Variants in TUBB2B observed in about 807,000 individuals in gnomAD.
TUBB2B encodes tubulin beta 2B class IIb.
Under a neutral mutation model 35.0 loss-of-function variants are expected in TUBB2B, and 5 were observed. That is an observed-to-expected ratio of 0.14 (90% CI 0.07 to 0.30). The LOEUF (loss-of-function observed/expected upper bound fraction) is 0.30. Among genes scored for constraint, TUBB2B ranks in the 10% least tolerant of loss-of-function variants. The probability of loss-of-function intolerance (pLI) is 1.00; values close to 1 mark genes in which losing one functional copy is unlikely to be tolerated. For synonymous variants in TUBB2B, 166 were observed against 250.5 expected, an observed-to-expected ratio of 0.66 and a Z score of 3.18; for missense variants, 63 against 601.8, an observed-to-expected ratio of 0.10 and a Z score of 9.37.
chr6:3,224,617 A>G lies in TUBB2B; in HGVS notation c.*134T>C. 7.5e-7 allele frequency: 1 copy of G among 1,330,154 alleles called. No individual in the cohort carries two copies. Among genetic ancestry groups the G allele is most frequent in the Non-Finnish European group, 1.0e-6 (1 of 979,552 alleles). 82.4% of individuals were successfully genotyped at this position (1,330,154 alleles called of 1,614,324 possible). On this transcript the variant is annotated 3_prime_UTR_variant, in exon 4 of 4. Coordinates refer to ENST00000259818, the MANE Select transcript of TUBB2B (RefSeq NM_178012.5). ...AAAAAAAAGTGACAGGCAACAGTGA[A>G]GAGCACCAGAGACCCAGCGCACACC...
chr6:3,227,419 G>A lies in TUBB2B; in HGVS notation c.57+68C>T. 6.3e-7 allele frequency: 1 copy of A among 1,589,274 alleles called. No homozygotes were observed. The highest frequency in any genetic ancestry group is 1.1e-5 in the South Asian group (1 of 90,200). On this transcript the variant is annotated intron_variant, in intron 1 of 3. Transcript: ENST00000259818. This position sits in a 1 kb window ranked among gnomAD's most constrained non-coding sequence, Gnocchi z 7.8. Reference sequence around the variant, plus strand: ...CCAGGCCTTCCCAGGACCGCGCCTGGGGACCCCGAGGGGCTCTCGGCCCAG... The same window carrying A: ...CCAGGCCTTCCCAGGACCGCGCCTGAGGACCCCGAGGGGCTCTCGGCCCAG...
In TUBB2B at chr6:3,227,293, G is replaced by C. The variant is rs78466513; in HGVS notation, c.57+194C>G. Reference sequence around the variant, plus strand: ...CGGGGACTCCAAATGAGTTACAGCAGAAAGAAAGAGAGGTGCCCCCTCCGT... The same window carrying C: ...CGGGGACTCCAAATGAGTTACAGCACAAAGAAAGAGAGGTGCCCCCTCCGT... On this transcript the variant is annotated intron_variant, in intron 1 of 3. Transcript: ENST00000259818. This position sits in a 1 kb window ranked among gnomAD's most constrained non-coding sequence, Gnocchi z 7.8. Among the ~76,000 whole-genome samples the C allele has an allele frequency of 0.017, 2,623 of 152,244 alleles. 77 individuals are homozygous for C. The highest frequency in any genetic ancestry group is 0.06 in the African/African-American group (2,477 of 41,544).
chr6:3,224,762 C>T lies in TUBB2B; in HGVS notation c.1327G>A (p.Asp443Asn). ...QGEFEEEEGE[D>N]EA ...TCTCGCGGGGGCATCTACGCCTCGT[C>T]CTCGCCCTCCTCCTCCTCGAACTCC... Residue 443 changes from aspartate to asparagine, a missense_variant, in exon 4 of 4, where the codon GAC (aspartate) becomes AAC (asparagine). Around this residue, in one of 4 missense-constraint regions of TUBB2B, gnomAD observed 14 missense variants for 16.2 expected, o/e 0.86. Coordinates refer to ENST00000259818, the MANE Select transcript of TUBB2B (RefSeq NM_178012.5). 1 of 1,614,020 alleles carries T rather than the reference C, an allele frequency of 6.2e-7. No homozygotes were observed. Among genetic ancestry groups the T allele is most frequent in the Non-Finnish European group, 8.5e-7 (1 of 1,180,012 alleles).
chr6:3,226,876 C>T lies in TUBB2B; in HGVS notation c.58-207G>A, dbSNP rs1056948680. Among the ~76,000 whole-genome samples the T allele has an allele frequency of 6.6e-6, 1 of 152,126 alleles. No homozygotes were observed. Among genetic ancestry groups the T allele is most frequent in the Non-Finnish European group, 1.5e-5 (1 of 68,030 alleles). ...GGGCGTTTCCCAGGCAAACAGCTGCCGCTCGCGGGGGGAGGTAGGGGTCGA... is the reference window on the plus strand; with the variant it reads ...GGGCGTTTCCCAGGCAAACAGCTGCTGCTCGCGGGGGGAGGTAGGGGTCGA... On this transcript the variant is annotated intron_variant, in intron 1 of 3. Transcript: ENST00000259818. This position sits in a 1 kb window ranked among gnomAD's most constrained non-coding sequence, Gnocchi z 5.5.
At position 3,226,464 on chromosome 6, in the gene TUBB2B, C is replaced by T. The variant is rs935616144; in HGVS notation, c.166+97G>A. 5.0e-6 allele frequency: 6 copies of T among 1,196,776 alleles called. No individual in the cohort carries two copies. Among genetic ancestry groups the T allele is most frequent in the Non-Finnish European group, 6.2e-6 (5 of 801,634 alleles). The allele number at this position is 1,196,776 out of a possible 1,614,324, so 74.1% of individuals were successfully genotyped here. On this transcript the variant is annotated intron_variant, in intron 2 of 3. Coordinates refer to ENST00000259818, the MANE Select transcript of TUBB2B (RefSeq NM_178012.5). This position sits in a 1 kb window ranked among gnomAD's most constrained non-coding sequence, Gnocchi z 5.5. ...AGCGGGGATCCTAAACTGAATAGTC[C>T]ACCCTCTCCCAGGGCCACACCCCTG...
rs1757283731 is a variant in TUBB2B at position 3,226,030 on chromosome 6, C to G, written c.277+129G>C. The G allele has an allele frequency of 7.6e-7, 1 of 1,321,140 alleles. No individual in the cohort carries two copies. 81.8% of individuals were successfully genotyped at this position (1,321,140 alleles called of 1,614,324 possible). A position where few individuals can be genotyped will look rare whatever the true frequency, so the allele number is the denominator to read the frequency against. On this transcript the variant is annotated intron_variant, in intron 3 of 3. Transcript: ENST00000259818. This position sits in a 1 kb window ranked among gnomAD's most constrained non-coding sequence, Gnocchi z 5.5. ...CAGCTGAAAGGCAAACAATTTTACA[C>G]TATATTAAAGCTAAGTTGGCACACC...
At position 3,224,477 on chromosome 6, in the gene TUBB2B, A is replaced by G. The variant is rs1757246599; in HGVS notation, c.*274T>C. The G allele has an allele frequency of 1.9e-5, 11 of 576,618 alleles. No homozygotes were observed. The highest frequency in any genetic ancestry group is 4.5e-4 in the Middle Eastern group (1 of 2,240). 35.7% of individuals were successfully genotyped at this position (576,618 alleles called of 1,614,324 possible). The stretch of plus-strand genomic sequence containing the variant: ...AAATCGTTAATAAAGAGAAAAAGGA[A>G]GAGAAAGAGAGGACACCATTCCGAC... On this transcript the variant is annotated 3_prime_UTR_variant, in exon 4 of 4. Coordinates refer to ENST00000259818, the MANE Select transcript of TUBB2B (RefSeq NM_178012.5).
At position 3,226,495 on chromosome 6, in the gene TUBB2B, C is replaced by T; in HGVS notation, c.166+66G>A. 1 of 1,447,988 alleles carries T rather than the reference C, an allele frequency of 6.9e-7. No homozygotes were observed. Among genetic ancestry groups the T allele is most frequent in the Non-Finnish European group, 9.7e-7 (1 of 1,028,814 alleles). The allele number at this position is 1,447,988 out of a possible 1,614,324, so 89.7% of individuals were successfully genotyped here. On this transcript the variant is annotated intron_variant, in intron 2 of 3. Coordinates refer to ENST00000259818, the MANE Select transcript of TUBB2B (RefSeq NM_178012.5). This position sits in a 1 kb window ranked among gnomAD's most constrained non-coding sequence, Gnocchi z 5.5. Reference sequence around the variant, plus strand: ...CTCCCAGGGCCACACCCCTGGGGTCCCACGCAAGGGAAAGGGGAGAAGGTG... The same window carrying T: ...CTCCCAGGGCCACACCCCTGGGGTCTCACGCAAGGGAAAGGGGAGAAGGTG...
intron 3 of TUBB2B, 122 bp from the exon 4 acceptor site, chr6:3,225,933 A>C: frequency 1.3e-6 from 2 of 1,506,874 alleles, no homozygotes; most frequent in Non-Finnish European, 1.8e-6. Flanking sequence ...TATCACCAAA[A>C]TGGCCAAACG....
rs1757290358 is a variant in TUBB2B at position 3,226,584 on chromosome 6, T to C, written c.143A>G (p.Asn48Ser). ...ACCAGTGGCTTCATTGTAGTAAACA[T>C]TGATTCTCTCCAGCTGCAAATCACT... ...GDSDLQLERINVYYNEATGNK... is the reference protein window; with the variant it reads ...GDSDLQLERISVYYNEATGNK... Residue 48 changes from asparagine to serine, a missense_variant, in exon 2 of 4, where the codon AAT (asparagine) becomes AGT (serine). Around this residue, in one of 4 missense-constraint regions of TUBB2B, gnomAD observed 25 missense variants for 120.4 expected, o/e 0.21. Transcript: ENST00000259818. The surrounding 1 kb of genome is among the most constrained non-coding windows in gnomAD (Gnocchi z 5.5). 1 of 1,613,958 alleles carries C rather than the reference T, an allele frequency of 6.2e-7. No homozygotes were observed. Among genetic ancestry groups the C allele is most frequent in the African/African-American group, 1.3e-5 (1 of 74,896 alleles).
At position 3,225,732 on chromosome 6, in the gene TUBB2B, C is replaced by G. The variant is rs891802477; in HGVS notation, c.357G>C (p.Val119=). 6.2e-7 allele frequency: 1 copy of G among 1,612,598 alleles called. No individual in the cohort carries two copies. Among genetic ancestry groups the G allele is most frequent in the African/African-American group, 1.3e-5 (1 of 74,826 alleles). Residue 119 remains valine, a synonymous_variant, in exon 4 of 4, where the codon GTG becomes GTC. Transcript: ENST00000259818. ...GAELVDSVLD[V]VRKESESCDC... ...CACAGCTCTCTGACTCCTTCCTCAC[C>G]ACATCCAGGACCGAGTCGACCAGCT...
In TUBB2B at chr6:3,226,730, A is replaced by G. The variant is rs374700632; in HGVS notation, c.58-61T>C. 7 of 1,388,140 alleles carry G rather than the reference A, an allele frequency of 5.0e-6. No homozygotes were observed. Among genetic ancestry groups the G allele is most frequent in the South Asian group, 1.2e-5 (1 of 86,584 alleles). 86.0% of individuals were successfully genotyped at this position (1,388,140 alleles called of 1,614,324 possible). A position where few individuals can be genotyped will look rare whatever the true frequency, so the allele number is the denominator to read the frequency against. ...GCCCCCAGAAACGCCAAGGCTCACA[A>G]TGAAATGTCCCCGACTCAGTTCCGA... is the stretch of plus-strand genomic sequence containing the variant. On this transcript the variant is annotated intron_variant, in intron 1 of 3. Transcript: ENST00000259818. The surrounding 1 kb of genome is among the most constrained non-coding windows in gnomAD (Gnocchi z 5.5).
Position 3,226,737 on chromosome 6 carries a change from G to A in TUBB2B, c.58-68C>T. ...GAAACGCCAAGGCTCACAATGAAAT[G>A]TCCCCGACTCAGTTCCGACAACCCA... On this transcript the variant is annotated intron_variant, in intron 1 of 3. Coordinates refer to ENST00000259818, the MANE Select transcript of TUBB2B (RefSeq NM_178012.5). This position sits in a 1 kb window ranked among gnomAD's most constrained non-coding sequence, Gnocchi z 5.5. The A allele has an allele frequency of 6.0e-6, 8 of 1,341,638 alleles. No individual in the cohort carries two copies. Among genetic ancestry groups the A allele is most frequent in the Non-Finnish European group, 8.6e-6 (8 of 931,572 alleles). 83.1% of individuals were successfully genotyped at this position (1,341,638 alleles called of 1,614,324 possible). A position where few individuals can be genotyped will look rare whatever the true frequency, so the allele number is the denominator to read the frequency against.
At position 3,226,724 on chromosome 6, in the gene TUBB2B, C is replaced by G; in HGVS notation, c.58-55G>C. On this transcript the variant is annotated intron_variant, in intron 1 of 3. Coordinates refer to ENST00000259818, the MANE Select transcript of TUBB2B (RefSeq NM_178012.5). The surrounding 1 kb of genome is among the most constrained non-coding windows in gnomAD (Gnocchi z 5.5). ...AACGATGCCCCCAGAAACGCCAAGG[C>G]TCACAATGAAATGTCCCCGACTCAG... The G allele has an allele frequency of 6.9e-7, 1 of 1,449,976 alleles. No individual in the cohort carries two copies. Among genetic ancestry groups the G allele is most frequent in the East Asian group, 2.3e-5 (1 of 44,048 alleles). The allele number at this position is 1,449,976 out of a possible 1,614,324, so 89.8% of individuals were successfully genotyped here.
chr6:3,227,573 C>G lies in TUBB2B; in HGVS notation c.-30G>C. 1.2e-6 allele frequency: 2 copies of G among 1,609,542 alleles called. No homozygotes were observed. Among genetic ancestry groups the G allele is most frequent in the Non-Finnish European group, 1.7e-6 (2 of 1,179,326 alleles). On this transcript the variant is annotated 5_prime_UTR_variant, in exon 1 of 4. Coordinates refer to ENST00000259818, the MANE Select transcript of TUBB2B (RefSeq NM_178012.5). The surrounding 1 kb of genome is among the most constrained non-coding windows in gnomAD (Gnocchi z 7.8). Reference sequence around the variant, plus strand: ...CCTCGTCAGCGTCCTCCTGGTCCGGCGGCGTCTGGGTCTGTCCGTCCTCCC... The same window carrying G: ...CCTCGTCAGCGTCCTCCTGGTCCGGGGGCGTCTGGGTCTGTCCGTCCTCCC...
intron 3 of TUBB2B, among the ~76,000 whole-genome samples, 154 bp from the exon 4 acceptor site, chr6:3,225,965 A>G (rs1757283134): frequency 6.6e-6 from 1 of 152,248 alleles, no homozygotes; most frequent in Non-Finnish European, 1.5e-5. Flanking sequence ...GTTCATGAAT[A>G]TAATTATAAA....
Position 3,226,293 on chromosome 6 carries a change from G to A in TUBB2B, c.167-24C>T. On this transcript the variant is annotated intron_variant, in intron 2 of 3. Coordinates refer to ENST00000259818, the MANE Select transcript of TUBB2B (RefSeq NM_178012.5). The surrounding 1 kb of genome is among the most constrained non-coding windows in gnomAD (Gnocchi z 5.5). ...ACCTGCAAGGAACAACAGTGACTTA[G>A]ACCCTCAGGCAAGGACCTCTGCAGA... 2 of 1,600,342 alleles carry A rather than the reference G, an allele frequency of 1.2e-6. No individual in the cohort carries two copies. The highest frequency in any genetic ancestry group is 1.7e-6 in the Non-Finnish European group (2 of 1,168,040).
At position 3,225,642 on chromosome 6, in the gene TUBB2B, G is replaced by T. The variant is rs111690866; in HGVS notation, c.447C>A (p.Thr149=). The T allele has an allele frequency of 8.4e-5, 135 of 1,612,536 alleles. No individual in the cohort carries two copies. Among genetic ancestry groups the T allele is most frequent in the African/African-American group, 4.5e-4 (34 of 74,846 alleles). The change falls in exon 4 of 4, where the codon ACC becomes ACA. Residue 149 remains threonine, a synonymous_variant. Coordinates refer to ENST00000259818, the MANE Select transcript of TUBB2B (RefSeq NM_178012.5). ...CTTCCCGGATCTTGCTGATGAGCAGGGTGCCCATCCCGGACCCCGTGCCGC... is the reference window on the plus strand; with the variant it reads ...CTTCCCGGATCTTGCTGATGAGCAGTGTGCCCATCCCGGACCCCGTGCCGC... The part of the protein sequence containing the change: ...LGGGTGSGMG[T]LLISKIREEY...
chr6:3,225,843 C>T (rs1757280871), intron 3 of TUBB2B, 32 bp from the exon 4 acceptor site: 2 of 1,613,176 alleles, frequency 1.2e-6, no homozygotes, highest in Non-Finnish European at 1.7e-6. Flanking sequence ...CTTAAGTCAC[C>T]GGTGATTGTA....
Sources: allele counts gnomAD v4.1 joint callset (sites outside exome capture counted in the v4.1 genomes callset), GRCh38; gene constraint gnomAD v4.1.1; regional missense constraint gnomAD v4.1.1; non-coding constraint Gnocchi (gnomAD v3.1); transcripts MANE v1.5; gene names NCBI Gene and HGNC (gene_info 2026-07-23, HGNC 2026-07-21).